DPYSL3: variants seen among roughly 807,000 people sequenced by gnomAD.
The protein encoded by DPYSL3 is dihydropyrimidinase like 3.
Under a neutral mutation model 66.1 loss-of-function variants are expected in DPYSL3, and 16 were observed. The ratio of observed to expected loss-of-function variants is 0.24; its 90% CI spans 0.16 to 0.37. The LOEUF is 0.37. Ranked by LOEUF, DPYSL3 falls within the 10% of genes least tolerant of loss-of-function variation. The probability of loss-of-function intolerance (pLI) is 1.00; values close to 1 mark genes in which losing one functional copy is unlikely to be tolerated. For missense variants in DPYSL3, 738 were observed against 916.2 expected (o/e 0.81, Z 2.51); for synonymous variants, 338 against 345.1 (o/e 0.98, Z 0.23).
chr5:147,430,982 C>A (rs1329996470), intron 1 of DPYSL3, among the ~76,000 whole-genome samples: 2 of 152,092 alleles, frequency 1.3e-5, no homozygotes, highest in African/African-American at 2.4e-5. Context: ...TATTTTGTTA[C>A]CTGCATTAAC....
intron 2 of DPYSL3, among the ~76,000 whole-genome samples, chr5:147,422,649 C>T (rs918318093): frequency 1.3e-5 from 2 of 152,114 alleles, no homozygotes; most frequent in African/African-American, 4.8e-5. Flanking sequence ...GGCACATATA[C>T]ATCATGAAAT....
At chr5:147,502,949 T>C (rs1234460142) in intron 1 of DPYSL3, among the ~76,000 whole-genome samples, 8 of 152,164 alleles carry the variant, frequency 5.3e-5, no homozygotes, top group African/African-American at 1.7e-4. Context: ...ACTCCCTTCT[T>C]ATTCACAAGC....
chr5:147,473,848 T>G (rs1753117857), intron 1 of DPYSL3, among the ~76,000 whole-genome samples: 1 of 152,146 alleles, frequency 6.6e-6, no homozygotes, highest in Admixed American at 6.6e-5. Context: ...TTTTTAAATA[T>G]ATTTTAAATG....
At chr5:147,483,138 T>C (rs1356620305) in intron 1 of DPYSL3, among the ~76,000 whole-genome samples, 1 of 152,122 alleles carries the variant, frequency 6.6e-6, no homozygotes, top group Admixed American at 6.5e-5. Flanking sequence ...TTAACTCAAC[T>C]ATAATTATTT....
chr5:147,476,586 G>A (rs1186810821), intron 1 of DPYSL3, among the ~76,000 whole-genome samples: 2 of 152,074 alleles, frequency 1.3e-5, no homozygotes, highest in African/African-American at 4.8e-5. Flanking sequence ...TATCAAAGGG[G>A]GAGGAATTTG....
Position 147,471,904 on chromosome 5 carries a change from G to A in DPYSL3, c.381+37574C>T, listed in dbSNP as rs141076583. On this transcript the variant is annotated intron_variant, in intron 1 of 13. Coordinates refer to ENST00000343218, the MANE Select transcript of DPYSL3 (RefSeq NM_001197294.2). ...GCCAATACATGTTTTTAGTCCAGGC[G>A]TTTACATCTCTCCCGCTCTCTCTTT... is the stretch of plus-strand genomic sequence containing the variant. Among the ~76,000 whole-genome samples, 371 of 152,192 alleles carry A rather than the reference G, an allele frequency of 2.4e-3. 2 individuals are homozygous for A. Among genetic ancestry groups the A allele is most frequent in the African/African-American group, 8.6e-3 (357 of 41,530 alleles).
chr5:147,419,349 G>T (rs1250036633), intron 2 of DPYSL3, among the ~76,000 whole-genome samples: 2 of 151,472 alleles, frequency 1.3e-5, no homozygotes, highest in East Asian at 3.9e-4. Flanking sequence ...CTTCGCCCAG[G>T]AAGCTTCAGA....
chr5:147,509,537 C>G lies in DPYSL3; in HGVS notation c.322G>C (p.Val108Leu), dbSNP rs774205663. ...TTGCCGGTGGCGCTCCGGATCTCTACCCCGGCGGGGGCGGGGGAGGCGGGC... is the reference window on the plus strand; with the variant it reads ...TTGCCGGTGGCGCTCCGGATCTCTAGCCCGGCGGGGGCGGGGGAGGCGGGC... ...PAPASPAPAGVEIRSATGKEV... is the reference protein window; with the variant it reads ...PAPASPAPAGLEIRSATGKEV... Residue 108 changes from valine to leucine, a missense_variant, in exon 1 of 14, where the codon GTA (valine) becomes CTA (leucine). Coordinates refer to ENST00000343218, the MANE Select transcript of DPYSL3 (RefSeq NM_001197294.2). The surrounding 1 kb of genome is among the most constrained non-coding windows in gnomAD (Gnocchi z 5.3). 9.8e-5 allele frequency: 150 copies of G among 1,534,512 alleles called. 1 individual carries two copies. The highest frequency in any genetic ancestry group is 1.5e-5 in the Non-Finnish European group (17 of 1,146,276).
In DPYSL3 at chr5:147,501,710, C is replaced by G. The variant is rs149401078; in HGVS notation, c.381+7768G>C. Among the ~76,000 whole-genome samples, 119 of 152,138 alleles carry G rather than the reference C, an allele frequency of 7.8e-4. 1 individual carries two copies. The highest frequency in any genetic ancestry group is 2.7e-3 in the African/African-American group (114 of 41,508). Reference sequence around the variant, plus strand: ...GACAGGCTGGTCTCGAACTCCTGACCTGAGGTGATCCACCCACCTTAGCCT... The same window carrying G: ...GACAGGCTGGTCTCGAACTCCTGACGTGAGGTGATCCACCCACCTTAGCCT... On this transcript the variant is annotated intron_variant, in intron 1 of 13. Transcript: ENST00000343218.
chr5:147,494,415 C>T (rs536075175), intron 1 of DPYSL3, among the ~76,000 whole-genome samples: 13 of 151,572 alleles, frequency 8.6e-5, no homozygotes, highest in Admixed American at 2.0e-4. Context: ...TCGATCAGTA[C>T]AGAAAATCAA....
At chr5:147,412,247 G>A (rs1336136180) in intron 6 of DPYSL3, among the ~76,000 whole-genome samples, 3 of 152,126 alleles carry the variant, frequency 2.0e-5, no homozygotes, top group Admixed American at 6.5e-5. Context: ...GCTGCCTTAC[G>A]GTCTTTCTTT....
At chr5:147,454,498 A>G (rs1232961118) in intron 1 of DPYSL3, among the ~76,000 whole-genome samples, 1 of 152,246 alleles carries the variant, frequency 6.6e-6, no homozygotes, top group Non-Finnish European at 1.5e-5. Context: ...TTTAAAAAAT[A>G]TCCAAGTAGT....
At chr5:147,431,448 C>T (rs983253281) in intron 1 of DPYSL3, among the ~76,000 whole-genome samples, 5 of 152,018 alleles carry the variant, frequency 3.3e-5, no homozygotes, top group African/African-American at 1.2e-4. Flanking sequence ...GACAATGATA[C>T]CTTTTTCTGA....
rs1752015247 is a variant in DPYSL3 at position 147,418,459 on chromosome 5, T to C, written c.643A>G (p.Thr215Ala). ...QGTKAALAGG[T>A]TMIIDHVVPE... ...TATGAAGACTTACTGATCATGGTGG[T>C]GCCACCTGCTAAGGCCGCCTTTGTC... The change falls in exon 3 of 14, where the codon ACC becomes GCC. Residue 215 changes from threonine to alanine, a missense_variant. Coordinates refer to ENST00000343218, the MANE Select transcript of DPYSL3 (RefSeq NM_001197294.2). 2 of 1,607,458 alleles carry C rather than the reference T, an allele frequency of 1.2e-6. No individual in the cohort carries two copies. Among genetic ancestry groups the C allele is most frequent in the African/African-American group, 1.3e-5 (1 of 74,904 alleles).
At chr5:147,452,206 T>A (rs1400431513) in intron 1 of DPYSL3, among the ~76,000 whole-genome samples, 1 of 152,218 alleles carries the variant, frequency 6.6e-6, no homozygotes, top group African/African-American at 2.4e-5. Context: ...GGCTTCTTCC[T>A]GCCTGCAGAG....
intron 1 of DPYSL3, among the ~76,000 whole-genome samples, chr5:147,456,583 T>A (rs1752857416): frequency 1.2e-5 from 1 of 81,152 alleles, no homozygotes. Context: ...CTGATTCTAT[T>A]TTTTTTTTTT....
intron 8 of DPYSL3, among the ~76,000 whole-genome samples, chr5:147,403,731 C>A (rs1758255565): frequency 6.6e-6 from 1 of 152,154 alleles, no homozygotes; most frequent in Non-Finnish European, 1.5e-5. Context: ...CCCTGCTACA[C>A]TTTGTCTTGC....
At chr5:147,430,526 AAAAAAAAGG>A (rs1752294396) in intron 1 of DPYSL3, among the ~76,000 whole-genome samples, 1 of 150,196 alleles carries the variant, frequency 6.7e-6, no homozygotes, top group Non-Finnish European at 1.5e-5. Context: ...AAAAAAAAAG[AAAAAAAAGG>A]AAAAAGAAAA....
chr5:147,404,285 G>T (rs545157681), intron 8 of DPYSL3, among the ~76,000 whole-genome samples: 53 of 152,168 alleles, frequency 3.5e-4, no homozygotes, highest in Non-Finnish European at 6.8e-4. Flanking sequence ...AAGGAAGGAG[G>T]TGCCCCAGAA....
Sources: allele counts gnomAD v4.1 joint callset (sites outside exome capture counted in the v4.1 genomes callset), GRCh38; gene constraint gnomAD v4.1.1; non-coding constraint Gnocchi (gnomAD v3.1); transcripts MANE v1.5; gene names NCBI Gene and HGNC (gene_info 2026-07-23, HGNC 2026-07-21).